HDAC9: variants seen among roughly 807,000 people sequenced by gnomAD.
HDAC9 encodes histone deacetylase 9, also known as MEF-2 interacting transcription repressor (MITR) protein.
In HDAC9, 41 loss-of-function variants were observed where a neutral mutation model predicts 139.4. That is an observed-to-expected ratio of 0.29 (90% CI 0.23 to 0.38). The LOEUF (loss-of-function observed/expected upper bound fraction) is 0.38. Among genes scored for constraint, HDAC9 ranks in the 10% least tolerant of loss-of-function variants. The pLI is 1.00. For missense variants in HDAC9, 1,147 were observed against 1,297.0 expected, an observed-to-expected ratio of 0.88 and a Z score of 1.78; for synonymous variants, 517 against 476.2, an observed-to-expected ratio of 1.09 and a Z score of -1.12.
chr7:18,570,592 A>G (rs1823952619), intron 2 of HDAC9, among the ~76,000 whole-genome samples: 1 of 152,232 alleles, frequency 6.6e-6, no homozygotes, highest in East Asian at 1.9e-4. Flanking sequence ...GGTTGAGATC[A>G]TGGACTCTGG....
intron 2 of HDAC9, among the ~76,000 whole-genome samples, chr7:18,219,100 T>C (rs916269228): frequency 3.3e-5 from 5 of 152,184 alleles, no homozygotes; most frequent in Non-Finnish European, 7.4e-5. Context: ...AAGAGCCTGA[T>C]AAGGAATATA....
intron 1 of HDAC9, among the ~76,000 whole-genome samples, chr7:18,295,481 A>G (rs1035268161): frequency 1.3e-5 from 2 of 152,156 alleles, no homozygotes; most frequent in East Asian, 3.9e-4. Flanking sequence ...CTGTTGACTA[A>G]TTGAATAAAT....
intron 2 of HDAC9, among the ~76,000 whole-genome samples, chr7:18,574,267 A>C (rs1283447411): frequency 2.0e-5 from 3 of 152,214 alleles, no homozygotes; most frequent in Non-Finnish European, 2.9e-5. Context: ...TCCTTCCCCC[A>C]GTCAGTAGTC....
chr7:18,720,689 C>A (rs983109336), intron 12 of HDAC9, among the ~76,000 whole-genome samples: 2 of 119,724 alleles, frequency 1.7e-5, no homozygotes, highest in African/African-American at 6.2e-5. Flanking sequence ...TTTTTCTTTT[C>A]TTCTTTTTTT....
chr7:18,385,698 A>G (rs1785858582), intron 1 of HDAC9, among the ~76,000 whole-genome samples: 1 of 152,238 alleles, frequency 6.6e-6, no homozygotes, highest in Admixed American at 6.5e-5. Flanking sequence ...GCTTTAGAAT[A>G]TACCTCTAAA....
chr7:18,178,700 T>G (rs1789157639), intron 2 of HDAC9, among the ~76,000 whole-genome samples: 2 of 152,226 alleles, frequency 1.3e-5, no homozygotes, highest in African/African-American at 4.8e-5. Flanking sequence ...TTAAGTTAGT[T>G]TAGAATTCAT....
At position 18,629,323 on chromosome 7, in the gene HDAC9, T is replaced by G. The variant is rs887801576; in HGVS notation, c.665-27T>G. 2.5e-5 allele frequency: 6 copies of G among 240,072 alleles called. No homozygotes were observed. In the African/African-American group the frequency reaches 3.5e-4, roughly 14 times the overall value. The allele number at this position is 240,072 out of a possible 1,614,324, so 14.9% of individuals were successfully genotyped here. A position where few individuals can be genotyped will look rare whatever the true frequency, so the allele number is the denominator to read the frequency against. Reference sequence around the variant, plus strand: ...TCTCTATTTTTTTAATTTTTATCTATTTTTTTTTTTTTGTCTCAATCCCCA... The same window carrying G: ...TCTCTATTTTTTTAATTTTTATCTAGTTTTTTTTTTTTGTCTCAATCCCCA... On this transcript the variant is annotated intron_variant, in intron 6 of 25. Coordinates refer to ENST00000686413, the MANE Select transcript of HDAC9 (RefSeq NM_178425.4).
At chr7:18,779,630 G>T (rs963864485) in intron 16 of HDAC9, among the ~76,000 whole-genome samples, 1 of 151,982 alleles carries the variant, frequency 6.6e-6, no homozygotes, top group Admixed American at 6.6e-5. Flanking sequence ...TCTGAGACTT[G>T]GTTTCTTTAT....
chr7:18,513,485 T>G (rs1802199374), intron 2 of HDAC9, among the ~76,000 whole-genome samples: 1 of 152,216 alleles, frequency 6.6e-6, no homozygotes, highest in Admixed American at 6.5e-5. Context: ...ACTTTTAAGC[T>G]GATGCCTGAG....
chr7:18,839,602 A>G (rs1460040699), intron 21 of HDAC9, among the ~76,000 whole-genome samples: 1 of 152,126 alleles, frequency 6.6e-6, no homozygotes, highest in African/African-American at 2.4e-5. Flanking sequence ...TGTCAAGCTC[A>G]GGTATTAAGC....
chr7:18,348,171 C>T (rs1019300208), intron 1 of HDAC9, among the ~76,000 whole-genome samples: 1 of 152,126 alleles, frequency 6.6e-6, no homozygotes, highest in Non-Finnish European at 1.5e-5. Context: ...AGCACAAGCA[C>T]CCCAGGTAAT....
intron 2 of HDAC9, among the ~76,000 whole-genome samples, chr7:18,558,966 G>A (rs1046468395): frequency 1.4e-4 from 22 of 152,150 alleles, no homozygotes; most frequent in Admixed American, 1.4e-3. Context: ...GGGAAGTGAG[G>A]GGAACAGGTA....
chr7:18,446,856 C>G (rs946737333), intron 1 of HDAC9, among the ~76,000 whole-genome samples: 3 of 152,068 alleles, frequency 2.0e-5, no homozygotes, highest in African/African-American at 7.2e-5. Context: ...TGTACATTAT[C>G]CACAATGTAA....
chr7:18,130,423 C>T (rs965666139), intron 1 of HDAC9, among the ~76,000 whole-genome samples: 1 of 152,082 alleles, frequency 6.6e-6, no homozygotes, highest in Non-Finnish European at 1.5e-5. Flanking sequence ...GTTTTATTCC[C>T]TTACTAAATT....
intron 6 of HDAC9, among the ~76,000 whole-genome samples, chr7:18,622,602 G>A (rs928907152): frequency 2.0e-5 from 3 of 151,956 alleles, no homozygotes. Flanking sequence ...GATTACGGGT[G>A]TGAGCCACCG....
At chr7:18,164,719 G>T (rs934508080) in intron 2 of HDAC9, among the ~76,000 whole-genome samples, 6 of 152,162 alleles carry the variant, frequency 3.9e-5, no homozygotes, top group Non-Finnish European at 4.4e-5. Flanking sequence ...TCTTAATCAT[G>T]CATTCAGTCA....
chr7:18,347,093 G>A (rs1782474430), intron 1 of HDAC9, among the ~76,000 whole-genome samples: 1 of 152,106 alleles, frequency 6.6e-6, no homozygotes, highest in Non-Finnish European at 1.5e-5. Context: ...ATATTTCACA[G>A]TAACTCTTTT....
At chr7:18,515,649 G>A (rs891775810) in intron 2 of HDAC9, among the ~76,000 whole-genome samples, 3 of 152,124 alleles carry the variant, frequency 2.0e-5, no homozygotes, top group Admixed American at 1.3e-4. Flanking sequence ...TTCCATCCCT[G>A]AGCACATTCA....
At chr7:18,686,292 A>G (rs1320991442) in intron 12 of HDAC9, among the ~76,000 whole-genome samples, 2 of 152,016 alleles carry the variant, frequency 1.3e-5, no homozygotes, top group Non-Finnish European at 2.9e-5. Context: ...AATTATTTTC[A>G]TGGTAATGTT....
Sources: gnomAD v4.1 joint callset for allele counts (sites outside exome capture counted in the v4.1 genomes callset) on GRCh38, gnomAD v4.1.1 for gene constraint, MANE v1.5 for transcripts, NCBI Gene and HGNC (gene_info 2026-07-23, HGNC 2026-07-21) for gene names.